The following GCNT2 variants were observed in gnomAD, a reference collection of about 807,000 sequenced individuals.
GCNT2 encodes glucosaminyl (N-acetyl) transferase 2 (I blood group), also known as N-acetyllactosaminide beta-1,6-N-acetylglucosaminyl-transferase.
A neutral mutation model predicts 34.2 loss-of-function variants in GCNT2; 34 were observed. The observed-to-expected ratio is 1.00, with a 90% CI of 0.76 to 1.32. The LOEUF is 1.32. Among genes scored for constraint, GCNT2 ranks in the 40% most tolerant of loss-of-function variants. GCNT2 has a pLI of 0.00. For synonymous variants in GCNT2, 212 were observed against 188.0 expected, an observed-to-expected ratio of 1.13 and a Z score of -1.04; for missense variants, 584 against 489.4, an observed-to-expected ratio of 1.19 and a Z score of -1.82.
chr6:10,627,366 A>T lies in GCNT2; in HGVS notation c.*759A>T, dbSNP rs1475048469. Reference sequence around the variant, plus strand: ...CTTGCAAGAATGGAGATATGCATTCAAGAGAGGTGCTATCACATAGATCTA... The same window carrying T: ...CTTGCAAGAATGGAGATATGCATTCTAGAGAGGTGCTATCACATAGATCTA... On this transcript the variant is annotated 3_prime_UTR_variant, in exon 5 of 5. Transcript: ENST00000495262. The T allele has an allele frequency of 6.6e-6, 1 of 152,252 alleles. No homozygotes were observed. The highest frequency in any genetic ancestry group is 1.5e-5 in the Non-Finnish European group (1 of 68,084). The allele number at this position is 152,252 out of a possible 1,614,324, so 9.4% of individuals were successfully genotyped here.
At chr6:10,574,561 G>A (rs1763704641) in intron 3 of GCNT2, among the ~76,000 whole-genome samples, 1 of 152,128 alleles carries the variant, frequency 6.6e-6, no homozygotes, top group Non-Finnish European at 1.5e-5. Context: ...ATAGGTGATT[G>A]TAAAGATCCC....
chr6:10,619,984 T>C (rs9466985), intron 3 of GCNT2, among the ~76,000 whole-genome samples: 16,328 of 152,268 alleles, frequency 0.11, 1,536 homozygotes, highest in African/African-American at 0.25. Flanking sequence ...TTCTGTTTCC[T>C]TCTTCCAATG....
At chr6:10,616,305 G>A (rs1054846801) in intron 3 of GCNT2, among the ~76,000 whole-genome samples, 11 of 150,398 alleles carry the variant, frequency 7.3e-5, no homozygotes, top group Non-Finnish European at 1.5e-4. Context: ...CATATAGGCT[G>A]TATGGACCCA....
intron 3 of GCNT2, among the ~76,000 whole-genome samples, chr6:10,590,750 C>T (rs1764604056): frequency 6.6e-6 from 1 of 152,144 alleles, no homozygotes; most frequent in Non-Finnish European, 1.5e-5. Flanking sequence ...GACATGGTTT[C>T]ACCATGTTGA....
chr6:10,556,930 G>A, intron 3 of GCNT2: 1 of 1,614,174 alleles, frequency 6.2e-7, no homozygotes, highest in South Asian at 1.1e-5. Context: ...AGGCTGACCT[G>A]AACTGCATCA....
At chr6:10,539,249 G>T in intron 3 of GCNT2, among the ~76,000 whole-genome samples, 1 of 143,206 alleles carries the variant, frequency 7.0e-6, no homozygotes, top group Admixed American at 7.3e-5. Flanking sequence ...GAGTGCAGTG[G>T]TGCGATCTCG....
At chr6:10,528,311 C>G (rs976198236) in intron 2 of GCNT2, 1 of 157,156 alleles carries the variant, frequency 6.4e-6, no homozygotes, top group African/African-American at 2.4e-5. Context: ...TGGAAAAAGA[C>G]AGGGTTAAGC....
chr6:10,610,842 T>A (rs1765517491), intron 3 of GCNT2, among the ~76,000 whole-genome samples: 2 of 152,294 alleles, frequency 1.3e-5, no homozygotes, highest in East Asian at 3.9e-4. Flanking sequence ...GTAGTTCACA[T>A]AGCTTGGTAA....
chr6:10,536,450 G>T (rs1279309490), intron 3 of GCNT2, among the ~76,000 whole-genome samples: 1 of 151,812 alleles, frequency 6.6e-6, no homozygotes, highest in Non-Finnish European at 1.5e-5. Flanking sequence ...CTCCTCCCGG[G>T]TTCACGCCAT....
chr6:10,593,417 A>G (rs113392206), intron 3 of GCNT2, among the ~76,000 whole-genome samples: 2 of 152,170 alleles, frequency 1.3e-5, no homozygotes, highest in African/African-American at 4.8e-5. Context: ...AGCTCACTGC[A>G]GCCTCAGCCT....
At chr6:10,617,129 C>T (rs1765804866) in intron 3 of GCNT2, among the ~76,000 whole-genome samples, 1 of 152,170 alleles carries the variant, frequency 6.6e-6, no homozygotes. Context: ...GTTGGGGAGG[C>T]TCTGGCCGCG....
chr6:10,580,270 CA>C (rs56274801), intron 3 of GCNT2, among the ~76,000 whole-genome samples: 5 of 150,106 alleles, frequency 3.3e-5, no homozygotes, highest in African/African-American at 5.0e-5. Context: ...TGCCAGGGGT[CA>C]GGGGGGTGGG....
In GCNT2 at chr6:10,614,133, G is replaced by C. The variant is rs147060162; in HGVS notation, c.926-7218G>C. On this transcript the variant is annotated intron_variant, in intron 3 of 4. Transcript: ENST00000495262. Reference sequence around the variant, plus strand: ...GTACATTCAGGGTCTTCAATCTTAAGCTTGCCATTATCTCCTCAAAATAAT... The same window carrying C: ...GTACATTCAGGGTCTTCAATCTTAACCTTGCCATTATCTCCTCAAAATAAT... Among the ~76,000 whole-genome samples the C allele has an allele frequency of 4.9e-4, 74 of 152,270 alleles. 1 individual carries two copies. The Middle Eastern group carries it at 0.017, about 35-fold the overall frequency.
chr6:10,624,900 A>C (rs1766191914), intron 4 of GCNT2, among the ~76,000 whole-genome samples: 1 of 151,872 alleles, frequency 6.6e-6, no homozygotes, highest in Admixed American at 6.6e-5. Context: ...GAAAGCCTGT[A>C]CTCATTGCCC....
At chr6:10,588,981 TGTG>T (rs1764491521) in intron 3 of GCNT2, among the ~76,000 whole-genome samples, 1 of 144,246 alleles carries the variant, frequency 6.9e-6, no homozygotes, top group Non-Finnish European at 1.5e-5. Context: ...GTATGTATGG[TGTG>T]GTTGTGTGGT....
intron 3 of GCNT2, among the ~76,000 whole-genome samples, chr6:10,590,818 C>T (rs1426125836): frequency 1.3e-5 from 2 of 152,178 alleles, no homozygotes; most frequent in African/African-American, 4.8e-5. Context: ...TCCCAAAGTG[C>T]TGGGATTACA....
At chr6:10,604,873 G>GAA (rs1554136750) in intron 3 of GCNT2, among the ~76,000 whole-genome samples, 1 of 148,468 alleles carries the variant, frequency 6.7e-6, no homozygotes, top group African/African-American at 2.5e-5. Context: ...AAAAGAAAAA[G>GAA]AAAAAGAAAG....
At chr6:10,614,303 G>A (rs1343449682) in intron 3 of GCNT2, among the ~76,000 whole-genome samples, 2 of 152,074 alleles carry the variant, frequency 1.3e-5, no homozygotes, top group Admixed American at 1.3e-4. Context: ...ATTATTGAAG[G>A]GCAAATTGAA....
At chr6:10,550,396 G>C (rs1561792837) in intron 3 of GCNT2, among the ~76,000 whole-genome samples, 1 of 150,760 alleles carries the variant, frequency 6.6e-6, no homozygotes, top group Non-Finnish European at 1.5e-5. Flanking sequence ...GGGTCATTGA[G>C]AAAAAAAAAT....
Sources: allele counts gnomAD v4.1 joint callset (sites outside exome capture counted in the v4.1 genomes callset), GRCh38; gene constraint gnomAD v4.1.1; transcripts MANE v1.5; gene names NCBI Gene and HGNC (gene_info 2026-07-23, HGNC 2026-07-21).